CTNNA3: variants seen among roughly 807,000 people sequenced by gnomAD.
The protein encoded by CTNNA3 is catenin alpha 3.
Under a neutral mutation model 95.7 loss-of-function variants are expected in CTNNA3, and 76 were observed. The observed-to-expected ratio is 0.79, with a 90% CI of 0.66 to 0.96. The LOEUF (loss-of-function observed/expected upper bound fraction) is 0.96. Ranked by LOEUF, CTNNA3 falls within the 40% of genes least tolerant of loss-of-function variation. CTNNA3 has a pLI of 0.00. For missense variants in CTNNA3, 1,191 were observed against 1,089.8 expected (o/e 1.09, Z -1.31); for synonymous variants, 431 against 374.4 (o/e 1.15, Z -1.74).
intron 7 of CTNNA3, among the ~76,000 whole-genome samples, chr10:66,806,883 G>C (rs1347816428): frequency 6.6e-6 from 1 of 151,596 alleles, no homozygotes; most frequent in East Asian, 2.0e-4. Context: ...GCTTCTTCGA[G>C]TTTATAGATA....
chr10:67,180,565 C>A (rs771482723), intron 6 of CTNNA3, 45 bp from the exon 7 acceptor site: 1 of 1,459,442 alleles, frequency 6.9e-7, no homozygotes, highest in South Asian at 1.2e-5. Flanking sequence ...CATGGCATTT[C>A]ACTTTTATGA....
At chr10:66,657,440 A>G (rs183788365) in intron 9 of CTNNA3, among the ~76,000 whole-genome samples, 1 of 152,258 alleles carries the variant, frequency 6.6e-6, no homozygotes, top group African/African-American at 2.4e-5. Context: ...ACACATCCCA[A>G]TTCATTATGA....
chr10:67,391,809 A>T (rs1844502755), intron 5 of CTNNA3, among the ~76,000 whole-genome samples: 1 of 151,324 alleles, frequency 6.6e-6, no homozygotes, highest in Non-Finnish European at 1.5e-5. Flanking sequence ...TGGGGAAAGG[A>T]TTCCCTGTTT....
intron 12 of CTNNA3, among the ~76,000 whole-genome samples, chr10:66,314,656 G>T (rs540024505): frequency 6.6e-6 from 1 of 152,088 alleles, no homozygotes; most frequent in Non-Finnish European, 1.5e-5. Context: ...TAAAATTTGA[G>T]ATATTATTGG....
At chr10:66,684,664 A>G (rs368231015) in intron 9 of CTNNA3, among the ~76,000 whole-genome samples, 1 of 152,146 alleles carries the variant, frequency 6.6e-6, no homozygotes, top group East Asian at 1.9e-4. Flanking sequence ...TGAGTATATT[A>G]AATTTTTCTG....
chr10:66,616,757 A>C (rs1231610165), intron 10 of CTNNA3, among the ~76,000 whole-genome samples: 1 of 152,022 alleles, frequency 6.6e-6, no homozygotes, highest in African/African-American at 2.4e-5. Flanking sequence ...CCAGGACTTA[A>C]CTGACTCACT....
intron 11 of CTNNA3, among the ~76,000 whole-genome samples, chr10:66,482,156 T>C (rs543126134): frequency 3.3e-5 from 5 of 152,294 alleles, no homozygotes; most frequent in African/African-American, 1.2e-4. Flanking sequence ...TGGAACTTAA[T>C]TTTATGTCTA....
At chr10:66,730,160 T>C (rs997828026) in intron 9 of CTNNA3, among the ~76,000 whole-genome samples, 3 of 151,590 alleles carry the variant, frequency 2.0e-5, no homozygotes, top group African/African-American at 7.3e-5. Context: ...CATATATTCA[T>C]TGCAGCATGA....
chr10:67,689,182 GA>G (rs1264042476), intron 1 of CTNNA3, among the ~76,000 whole-genome samples: 2 of 152,170 alleles, frequency 1.3e-5, no homozygotes, highest in African/African-American at 4.8e-5. Context: ...CTGAGAGAGG[GA>G]AAGGATCTCC....
chr10:66,431,424 C>G (rs35462499), intron 11 of CTNNA3, among the ~76,000 whole-genome samples: 40,154 of 151,888 alleles, frequency 0.26, 5,452 homozygotes, highest in South Asian at 0.39. Context: ...ATAAAACATG[C>G]TGCTATAAAG....
intron 7 of CTNNA3, among the ~76,000 whole-genome samples, chr10:66,807,451 C>G (rs893811864): frequency 6.6e-6 from 1 of 152,152 alleles, no homozygotes; most frequent in Admixed American, 6.6e-5. Flanking sequence ...CCTGTTTCCA[C>G]CATTGTTCAA....
intron 17 of CTNNA3, among the ~76,000 whole-genome samples, chr10:65,957,440 A>T (rs2133228597): frequency 6.6e-6 from 1 of 152,286 alleles, no homozygotes; most frequent in South Asian, 2.1e-4. Flanking sequence ...TTATGATGTT[A>T]GCTGGTTATT....
chr10:67,727,579 T>C (rs10823081), intron 1 of CTNNA3, among the ~76,000 whole-genome samples: 11,254 of 127,452 alleles, frequency 0.088, 685 homozygotes, highest in East Asian at 0.26. Flanking sequence ...TGTAGCATAA[T>C]ATATGATATA....
At chr10:67,699,874 G>A (rs1841021345), upstream of CTNNA3, among the ~76,000 whole-genome samples, 1 of 152,212 alleles carries the variant, frequency 6.6e-6, no homozygotes, top group African/African-American at 2.4e-5. Context: ...CCTAGTCAAA[G>A]AAAGGGGTGA....
At chr10:67,704,693 T>A (rs915891766) in intron 1 of CTNNA3, among the ~76,000 whole-genome samples, 8 of 151,876 alleles carry the variant, frequency 5.3e-5, no homozygotes. Flanking sequence ...AACCTAGGCA[T>A]TACCATTCAG....
chr10:66,891,768 GT>G (rs920477368), intron 7 of CTNNA3, among the ~76,000 whole-genome samples: 1 of 152,144 alleles, frequency 6.6e-6, no homozygotes. Context: ...GTGATTGTAT[GT>G]ATATAAAGCT....
intron 15 of CTNNA3, among the ~76,000 whole-genome samples, chr10:65,989,175 G>A (rs894757626): frequency 6.6e-6 from 1 of 152,150 alleles, no homozygotes; most frequent in Non-Finnish European, 1.5e-5. Flanking sequence ...TATTGACCTC[G>A]TGATCCACCC....
intron 2 of CTNNA3, among the ~76,000 whole-genome samples, chr10:67,646,764 G>A (rs1054796829): frequency 1.3e-4 from 19 of 151,842 alleles, no homozygotes; most frequent in African/African-American, 4.6e-4. Flanking sequence ...ACAAATTGTG[G>A]GTTAATGACA....
chr10:66,027,495 A>G (rs1283516597), intron 15 of CTNNA3, among the ~76,000 whole-genome samples: 1 of 152,176 alleles, frequency 6.6e-6, no homozygotes, highest in Non-Finnish European at 1.5e-5. Context: ...GCTATGCCAG[A>G]AATGTGCTCT....
Sources: gnomAD v4.1 joint callset for allele counts (sites outside exome capture counted in the v4.1 genomes callset) on GRCh38, gnomAD v4.1.1 for gene constraint, MANE v1.5 for transcripts, NCBI Gene and HGNC (gene_info 2026-07-23, HGNC 2026-07-21) for gene names.